The following PRKN variants were observed in gnomAD, a reference collection of about 807,000 sequenced individuals.
PRKN encodes E3 ubiquitin-protein ligase parkin.
In PRKN, 56 loss-of-function variants were observed where a neutral mutation model predicts 59.5. The observed-to-expected ratio is 0.94, with a 90% CI of 0.76 to 1.18. PRKN has a LOEUF of 1.18. Ranked by LOEUF, PRKN falls within the 50% of genes most tolerant of loss-of-function variation. The pLI, the probability that PRKN is intolerant of heterozygous loss-of-function variation, is 0.00. For synonymous variants in PRKN, 250 were observed against 222.1 expected (o/e 1.13, Z -1.12); for missense variants, 657 against 596.4 (o/e 1.10, Z -1.06).
chr6:161,362,823 G>T lies in PRKN; in HGVS notation c.1168-2618C>A, dbSNP rs1025163063. On this transcript the variant is annotated intron_variant, in intron 10 of 11. Transcript: ENST00000366898. The surrounding 1 kb of genome is among the most constrained non-coding windows in gnomAD (Gnocchi z 5.2). ...ACAAATAAAATTCTAAGAAATCTGGGATCATAATAAAAAAGTTAAAAAGTC... is the reference window on the plus strand; with the variant it reads ...ACAAATAAAATTCTAAGAAATCTGGTATCATAATAAAAAAGTTAAAAAGTC... Among the ~76,000 whole-genome samples, 1 of 152,162 alleles carries T rather than the reference G, an allele frequency of 6.6e-6. No individual in the cohort carries two copies. The highest frequency in any genetic ancestry group is 2.4e-5 in the African/African-American group (1 of 41,434).
Position 161,549,150 on chromosome 6 carries a change from G to T in PRKN, c.934-147C>A. 1.2e-6 allele frequency: 1 copy of T among 835,724 alleles called. No individual in the cohort carries two copies. Among genetic ancestry groups the T allele is most frequent in the Non-Finnish European group, 2.0e-6 (1 of 503,658 alleles). 51.8% of individuals were successfully genotyped at this position (835,724 alleles called of 1,614,324 possible). On this transcript the variant is annotated intron_variant, in intron 8 of 11. Transcript: ENST00000366898. This position sits in a 1 kb window ranked among gnomAD's most constrained non-coding sequence, Gnocchi z 6.0. ...TGTGTGTGTGTGTGTGTAGGGGGAG[G>T]GAGAGGGCCACGGGGTTGATAGGGG... is the stretch of plus-strand genomic sequence containing the variant.
At chr6:161,733,255 T>C (rs367849983) in intron 7 of PRKN, among the ~76,000 whole-genome samples, 2 of 152,290 alleles carry the variant, frequency 1.3e-5, no homozygotes, top group East Asian at 1.9e-4. Flanking sequence ...AATCTCCTTA[T>C]ATGGAAAAGT....
intron 1 of PRKN, among the ~76,000 whole-genome samples, chr6:162,474,822 C>T (rs1791922380): frequency 6.6e-6 from 1 of 152,150 alleles, no homozygotes; most frequent in African/African-American, 2.4e-5. Flanking sequence ...ATTTCCTGTG[C>T]TGGTCTGGAC....
chr6:162,534,632 C>T (rs527700653), intron 1 of PRKN, among the ~76,000 whole-genome samples: 3 of 152,278 alleles, frequency 2.0e-5, no homozygotes, highest in South Asian at 4.1e-4. Context: ...TTAGTCTACA[C>T]ATACATTTAT....
At chr6:162,436,165 G>C (rs1186490827) in intron 2 of PRKN, among the ~76,000 whole-genome samples, 2 of 79,466 alleles carry the variant, frequency 2.5e-5, no homozygotes, top group African/African-American at 9.7e-5. Context: ...GACAGAGTAA[G>C]ACTCCATCTC....
intron 6 of PRKN, among the ~76,000 whole-genome samples, chr6:161,827,509 CTTTTTTTT>C (rs5881438): frequency 8.0e-6 from 1 of 124,920 alleles, no homozygotes; most frequent in Admixed American, 8.5e-5. Flanking sequence ...ATTGATTTTA[CTTTTTTTT>C]TTTTTTTTTT....
At chr6:161,928,094 A>T (rs1248274506) in intron 6 of PRKN, among the ~76,000 whole-genome samples, 1 of 152,208 alleles carries the variant, frequency 6.6e-6, no homozygotes, top group Non-Finnish European at 1.5e-5. Context: ...TGTCTTTATG[A>T]AAGTTGCCTT....
At chr6:162,286,324 T>C (rs971078807) in intron 2 of PRKN, among the ~76,000 whole-genome samples, 1 of 152,214 alleles carries the variant, frequency 6.6e-6, no homozygotes, top group Admixed American at 6.5e-5. Context: ...TAAATCTTTA[T>C]AGCCGTGAGC....
chr6:161,672,221 A>C (rs1784935272), intron 7 of PRKN, among the ~76,000 whole-genome samples: 2 of 152,094 alleles, frequency 1.3e-5, no homozygotes, highest in South Asian at 2.1e-4. Flanking sequence ...GTAGATACTA[A>C]ATGTATAAAT....
chr6:162,077,385 C>A (rs1307694414), intron 4 of PRKN, among the ~76,000 whole-genome samples: 1 of 152,110 alleles, frequency 6.6e-6, no homozygotes, highest in South Asian at 2.1e-4. Context: ...ACAAAATCAC[C>A]TAACAACACA....
At chr6:161,776,315 C>G (rs959961733) in intron 7 of PRKN, among the ~76,000 whole-genome samples, 4 of 152,146 alleles carry the variant, frequency 2.6e-5, no homozygotes, top group Non-Finnish European at 5.9e-5. Flanking sequence ...TGGCAGCAAA[C>G]CTTTCAGGAT....
chr6:162,668,189 A>G (rs2128229648), intron 1 of PRKN, among the ~76,000 whole-genome samples: 1 of 152,354 alleles, frequency 6.6e-6, no homozygotes, highest in East Asian at 1.9e-4. Flanking sequence ...GTATTTCATC[A>G]AGATTTTCAC....
rs187194348 is a variant in PRKN, at chr6:161,870,626, T to C, written c.735-84718A>G. On this transcript the variant is annotated intron_variant, in intron 6 of 11. Coordinates refer to ENST00000366898, the MANE Select transcript of PRKN (RefSeq NM_004562.3). ...ATCAGAAGGCTATCAATATTTTATA[T>C]TAATCACTGAGTAAATATATCAGTA... 7.0e-4 allele frequency among the ~76,000 whole-genome samples: 107 copies of C among 152,344 alleles called. No homozygotes were observed. In the Middle Eastern group the frequency reaches 0.014, roughly 19 times the overall value.
chr6:161,442,857 T>C lies in PRKN; in HGVS notation c.1084-55980A>G, dbSNP rs1789304692. On this transcript the variant is annotated intron_variant, in intron 9 of 11. Transcript: ENST00000366898. The surrounding 1 kb of genome is among the most constrained non-coding windows in gnomAD (Gnocchi z 4.6). ...CAACTAAACATAACATTTATATCAC[T>C]ATCTGTCAGCAGTTTAACATAAACC... is the stretch of plus-strand genomic sequence containing the variant. 6.6e-6 allele frequency among the ~76,000 whole-genome samples: 1 copy of C among 152,178 alleles called. No homozygotes were observed. The highest frequency in any genetic ancestry group is 2.1e-4 in the South Asian group (1 of 4,824).
chr6:162,453,473 T>C (rs559933970), intron 1 of PRKN, among the ~76,000 whole-genome samples: 16 of 152,316 alleles, frequency 1.1e-4, no homozygotes, highest in African/African-American at 3.8e-4. Flanking sequence ...ATAAGACGTG[T>C]ATACTGTGGC....
intron 7 of PRKN, among the ~76,000 whole-genome samples, chr6:161,721,418 C>T (rs1213080771): frequency 2.0e-5 from 3 of 152,200 alleles, no homozygotes; most frequent in South Asian, 2.1e-4. Context: ...TGGCTTTCCT[C>T]GTGCCTGCAT....
At chr6:161,875,974 T>C (rs1305907046) in intron 6 of PRKN, among the ~76,000 whole-genome samples, 2 of 152,072 alleles carry the variant, frequency 1.3e-5, no homozygotes, top group Admixed American at 6.5e-5. Context: ...CATTCCCAGG[T>C]AGTGAAAGAC....
intron 6 of PRKN, among the ~76,000 whole-genome samples, chr6:161,883,079 T>C (rs916900664): frequency 1.3e-5 from 2 of 151,804 alleles, no homozygotes; most frequent in South Asian, 2.1e-4. Context: ...TCTTTAAAAC[T>C]TACCTTTACA....
intron 5 of PRKN, among the ~76,000 whole-genome samples, chr6:161,975,388 C>T (rs1358623535): frequency 6.6e-6 from 1 of 152,086 alleles, no homozygotes; most frequent in African/African-American, 2.4e-5. Flanking sequence ...CCCAGCCTGA[C>T]ATATACTTCT....
Sources: gnomAD v4.1 joint callset for allele counts (sites outside exome capture counted in the v4.1 genomes callset) on GRCh38, gnomAD v4.1.1 for gene constraint, Gnocchi (gnomAD v3.1) non-coding constraint, MANE v1.5 for transcripts, NCBI Gene and HGNC (gene_info 2026-07-23, HGNC 2026-07-21) for gene names.